The following NT5DC2 variants were observed in gnomAD, a reference collection of about 807,000 sequenced individuals.
The protein encoded by NT5DC2 is 5'-nucleotidase domain containing 2.
In NT5DC2, 41 loss-of-function variants were observed where a neutral mutation model predicts 70.0. The observed-to-expected ratio is 0.59, with a 90% CI of 0.46 to 0.76. NT5DC2 has a LOEUF of 0.76. Among genes scored for constraint, NT5DC2 ranks in the 30% least tolerant of loss-of-function variants. The probability of loss-of-function intolerance (pLI) is 0.00; values close to 1 mark genes in which losing one functional copy is unlikely to be tolerated. For missense variants in NT5DC2, 705 were observed against 783.2 expected (o/e 0.90, Z 1.19); for synonymous variants, 299 against 310.4 (o/e 0.96, Z 0.39).
At chr3:52,525,359 C>T (rs1051723479) in intron 10 of NT5DC2, 64 bp from the exon 11 acceptor site, 117 of 1,345,120 alleles carry the variant, frequency 8.7e-5, no homozygotes, top group Middle Eastern at 1.8e-4. Flanking sequence ...TCCTCCCTCC[C>T]GAATCCCCAG....
intron 1 of NT5DC2, 135 bp downstream of exon 1, chr3:52,533,371 G>T: frequency 2.1e-6 from 2 of 965,118 alleles, no homozygotes; most frequent in Non-Finnish European, 2.8e-6. Context: ...GCGAAAAGCC[G>T]CCCGGCCCTT....
rs201636955 is a variant in NT5DC2, at chr3:52,524,747, C to T, written c.1413-16G>A. 272 of 1,612,596 alleles carry T rather than the reference C, an allele frequency of 1.7e-4. No individual in the cohort carries two copies. The African/African-American group carries it at 2.4e-3, about 14-fold the overall frequency. ...GGTGATGCACCTGGCGAGGGAGACA[C>T]GATGCGCTCAAGGGGTGGGCCTGGG... is the stretch of plus-strand genomic sequence containing the variant. On this transcript the variant is annotated splice_polypyrimidine_tract_variant and intron_variant, in intron 13 of 13. Coordinates refer to ENST00000422318, the MANE Select transcript of NT5DC2 (RefSeq NM_001134231.2).
chr3:52,526,005 C>T (rs4475032), intron 10 of NT5DC2: 57,228 of 152,236 alleles, frequency 0.38, 12,105 homozygotes, highest in Admixed American at 0.49. Flanking sequence ...AGGCAGGCCC[C>T]AGACCAAGAG....
At chr3:52,534,913 G>A (rs2079407970), upstream of NT5DC2, 1 of 484,904 alleles carries the variant, frequency 2.1e-6, no homozygotes, top group South Asian at 2.4e-5. Context: ...CTCGAGTGTG[G>A]CGGTGTCCCC....
Position 52,533,643 on chromosome 3 carries a change from G to A in NT5DC2, c.95C>T (p.Pro32Leu). 8.4e-7 allele frequency: 1 copy of A among 1,190,002 alleles called. No individual in the cohort carries two copies. Among genetic ancestry groups the A allele is most frequent in the South Asian group, 3.9e-5 (1 of 25,324 alleles). The allele number at this position is 1,190,002 out of a possible 1,614,324, so 73.7% of individuals were successfully genotyped here. A position where few individuals can be genotyped will look rare whatever the true frequency, so the allele number is the denominator to read the frequency against. ...GCCGGGACCCGGGGGGCCGCACCCA[G>A]GGCAGGAGGGCGAGGACGAGGCGGC... ...PRAASSSPSC[P>L]GCGPPGPGAH... is the part of the protein sequence containing the mutation. The change falls in exon 1 of 14, where the codon CCT (proline) becomes CTT (leucine). Residue 32 changes from proline (P) to leucine (L), a missense_variant. Pro to Leu is a moderately conservative substitution (Grantham distance 98). Coordinates refer to ENST00000422318, the MANE Select transcript of NT5DC2 (RefSeq NM_001134231.2).
chr3:52,524,479 G>A lies in NT5DC2; in HGVS notation c.1665C>T (p.His555=), dbSNP rs1225244181. 1 of 1,612,872 alleles carries A rather than the reference G, an allele frequency of 6.2e-7. No individual in the cohort carries two copies. Among genetic ancestry groups the A allele is most frequent in the Non-Finnish European group, 8.5e-7 (1 of 1,180,018 alleles). The change falls in exon 14 of 14, where the codon CAC becomes CAT. Residue 555 remains histidine (H), a synonymous_variant. Coordinates refer to ENST00000422318, the MANE Select transcript of NT5DC2 (RefSeq NM_001134231.2). ...MKTPFLGDMA[H]IR The stretch of plus-strand genomic sequence containing the variant: ...GACAATAAAGGTGCCCTCAGCGGAT[G>A]TGGGCCATGTCACCAAGGAAGGGGG...
intron 13 of NT5DC2, 34 bp downstream of exon 13, chr3:52,524,783 G>A (rs1476084894): frequency 8.1e-6 from 13 of 1,612,468 alleles, no homozygotes; most frequent in Non-Finnish European, 1.1e-5. Flanking sequence ...GTGGTGGCTT[G>A]GCTGGGACTC....
At chr3:52,526,269 G>A (rs1046706116) in intron 10 of NT5DC2, 1 of 152,688 alleles carries the variant, frequency 6.5e-6, no homozygotes, top group Non-Finnish European at 1.5e-5. Flanking sequence ...GTTTGGGTGC[G>A]GAAGGGTGGG....
chr3:52,531,424 T>C lies in NT5DC2; in HGVS notation c.232+2082A>G, dbSNP rs2079357617. 6.6e-6 allele frequency among the ~76,000 whole-genome samples: 1 copy of C among 152,036 alleles called. No homozygotes were observed. The highest frequency in any genetic ancestry group is 2.1e-4 in the South Asian group (1 of 4,818). On this transcript the variant is annotated intron_variant, in intron 1 of 13. Transcript: ENST00000422318. The surrounding 1 kb of genome is among the most constrained non-coding windows in gnomAD (Gnocchi z 4.1). ...GGATACCAACTGTGACTGTGACTCTTGGTGCAGAAGACCTGGGAGGGTCTG... is the reference window on the plus strand; with the variant it reads ...GGATACCAACTGTGACTGTGACTCTCGGTGCAGAAGACCTGGGAGGGTCTG...
In NT5DC2 at chr3:52,524,474, C is replaced by T. The variant is rs200568224; in HGVS notation, c.1670G>A (p.Arg557His). ...TPFLGDMAHIR is the reference protein window; with the variant it reads ...TPFLGDMAHIH ...TCCCAGACAATAAAGGTGCCCTCAGCGGATGTGGGCCATGTCACCAAGGAA... is the reference window on the plus strand; with the variant it reads ...TCCCAGACAATAAAGGTGCCCTCAGTGGATGTGGGCCATGTCACCAAGGAA... Residue 557 changes from arginine to histidine, a missense_variant, in exon 14 of 14, where the codon CGC (arginine) becomes CAC (histidine). Transcript: ENST00000422318. The T allele has an allele frequency of 8.7e-6, 14 of 1,612,696 alleles. No homozygotes were observed. The highest frequency in any genetic ancestry group is 1.6e-4 in the Middle Eastern group (1 of 6,062).
At chr3:52,528,567 C>T (rs760253786) in intron 4 of NT5DC2, 28 bp from the exon 5 acceptor site, 1 of 1,564,820 alleles carries the variant, frequency 6.4e-7, no homozygotes, top group South Asian at 1.1e-5. Context: ...ACCATCAGTC[C>T]AAGGTAGTCC....
chr3:52,528,788 A>G (rs2079319067), intron 3 of NT5DC2, 73 bp downstream of exon 3: 2 of 1,600,462 alleles, frequency 1.2e-6, no homozygotes, highest in African/African-American at 2.7e-5. Flanking sequence ...CCCCAGCTGG[A>G]TGGGACGGAG....
intron 3 of NT5DC2, 37 bp downstream of exon 3, chr3:52,528,824 C>G (rs764010585): frequency 1.2e-6 from 2 of 1,608,830 alleles, no homozygotes; most frequent in Non-Finnish European, 1.7e-6. Flanking sequence ...CAAGAGGAGG[C>G]CAAGGAGGGA....
rs1391816120 is a variant in NT5DC2 at position 52,533,773 on chromosome 3, C to G, written c.-36G>C. 1.0e-6 allele frequency: 1 copy of G among 965,422 alleles called. No homozygotes were observed. Among genetic ancestry groups the G allele is most frequent in the East Asian group, 1.3e-4 (1 of 7,664 alleles). 59.8% of individuals were successfully genotyped at this position (965,422 alleles called of 1,614,324 possible). ...CGCCGCCCGCCGCCCGCGCTGCCCT[C>G]GGCCAGCCCGCCGCCCGCCGCCCGC... On this transcript the variant is annotated 5_prime_UTR_variant, in exon 1 of 14. Coordinates refer to ENST00000422318, the MANE Select transcript of NT5DC2 (RefSeq NM_001134231.2).
In NT5DC2 at chr3:52,524,551, G is replaced by A. The variant is rs150484186; in HGVS notation, c.1593C>T (p.His531=). 27 of 1,613,180 alleles carry A rather than the reference G, an allele frequency of 1.7e-5. No homozygotes were observed. The highest frequency in any genetic ancestry group is 1.6e-4 in the African/African-American group (12 of 75,066). The change falls in exon 14 of 14, where the codon CAC becomes CAT. Residue 531 remains histidine (H), a synonymous_variant. Coordinates refer to ENST00000422318, the MANE Select transcript of NT5DC2 (RefSeq NM_001134231.2). ...GCTGGTCCATCCAGAGGGGTGCCTCGTGCTGCAGCGGCGTACGGCGTGGGT... is the reference window on the plus strand; with the variant it reads ...GCTGGTCCATCCAGAGGGGTGCCTCATGCTGCAGCGGCGTACGGCGTGGGT... The part of the protein sequence containing the change: ...TFYPRRTPLQ[H]EAPLWMDQLC...
rs113523017 is a variant in NT5DC2 at position 52,524,924 on chromosome 3, C to CT, written c.1347+38dup. The CT allele has an allele frequency of 7.1e-5, 114 of 1,611,858 alleles. 3 individuals carry two copies. In the African/African-American group the frequency reaches 7.5e-4, roughly 11 times the overall value. On this transcript the variant is annotated intron_variant, in intron 12 of 13. Transcript: ENST00000422318. Reference sequence around the variant, plus strand: ...GCATTGGGTGTGTGCACCCAGGAGGCTACCGCCCTGGCCCTCCCACAGCCA... The same window carrying CT: ...GCATTGGGTGTGTGCACCCAGGAGGCTTACCGCCCTGGCCCTCCCACAGCCA...
At chr3:52,534,921 C>A (rs189853833), upstream of NT5DC2, 1,417 of 451,926 alleles carry the variant, frequency 3.1e-3, 13 homozygotes, top group African/African-American at 0.026. Context: ...TGGCGGTGTC[C>A]CCAGGGCCCC....
intron 10 of NT5DC2, chr3:52,525,821 C>T: frequency 6.4e-6 from 1 of 156,038 alleles, no homozygotes; most frequent in East Asian, 1.9e-4. Flanking sequence ...GCTCAGGCAG[C>T]AGCCACCAGG....
At chr3:52,526,983 T>G (rs2079284070) in intron 10 of NT5DC2, among the ~76,000 whole-genome samples, 1 of 152,212 alleles carries the variant, frequency 6.6e-6, no homozygotes, top group Admixed American at 6.5e-5. Context: ...TTCTGAGAGC[T>G]TTATACCACA....
Sources: allele counts gnomAD v4.1 joint callset (sites outside exome capture counted in the v4.1 genomes callset), GRCh38; gene constraint gnomAD v4.1.1; non-coding constraint Gnocchi (gnomAD v3.1); transcripts MANE v1.5; gene names NCBI Gene and HGNC (gene_info 2026-07-23, HGNC 2026-07-21).